Variants in GZF1 observed in about 807,000 individuals in gnomAD.
The protein encoded by GZF1 is GDNF-inducible zinc finger protein 1.
A neutral mutation model predicts 49.4 loss-of-function variants in GZF1; 28 were observed. The ratio of observed to expected loss-of-function variants is 0.57; its 90% CI spans 0.42 to 0.78. GZF1 has a LOEUF of 0.78. Ranked by LOEUF, GZF1 falls within the 30% of genes least tolerant of loss-of-function variation. The pLI is 0.00. For missense variants in GZF1, 798 were observed against 916.2 expected, an observed-to-expected ratio of 0.87 and a Z score of 1.67; for synonymous variants, 364 against 356.0, an observed-to-expected ratio of 1.02 and a Z score of -0.25.
chr20:23,361,680 G>C (rs1055270140), upstream of GZF1, among the ~76,000 whole-genome samples: 2 of 152,204 alleles, frequency 1.3e-5, no homozygotes, highest in Non-Finnish European at 2.9e-5. Flanking sequence ...CCAGCTCCAA[G>C]CCCGGCTTTC....
At position 23,367,720 on chromosome 20, in the gene GZF1, G is replaced by A. The variant is rs140197943; in HGVS notation, c.1459+623G>A. The stretch of plus-strand genomic sequence containing the variant: ...AAGGTAGTAGGATTATCTCATTTCT[G>A]TTTTCCAAAGTCTTTATGATTTATT... On this transcript the variant is annotated intron_variant, in intron 3 of 5. Coordinates refer to ENST00000338121, the MANE Select transcript of GZF1 (RefSeq NM_022482.5). 5.2e-3 allele frequency among the ~76,000 whole-genome samples: 789 copies of A among 152,250 alleles called. 6 individuals are homozygous for A. The highest frequency in any genetic ancestry group is 6.8e-3 in the Non-Finnish European group (463 of 67,998).
Position 23,368,845 on chromosome 20 carries a change from G to A in GZF1, c.1543G>A (p.Gly515Arg), listed in dbSNP as rs759517965. 3 of 1,613,976 alleles carry A rather than the reference G, an allele frequency of 1.9e-6. No homozygotes were observed. The Admixed American group carries it at 5.0e-5, about 27-fold the overall frequency. Residue 515 changes from glycine (G) to arginine (R), a missense_variant, in exon 4 of 6, where the codon GGA (glycine) becomes AGA (arginine). Around this residue, in one of 3 missense-constraint regions of GZF1, gnomAD observed 446 missense variants for 540.1 expected, o/e 0.83. Transcript: ENST00000338121. ...YLKHHNRIHT[G>R]SKPFKCEVCF... ...AAAACACCACAATAGAATCCATACT[G>A]GATCCAAACCCTTTAAATGTGAAGT...
Position 23,370,252 on chromosome 20 carries a change from C to T in GZF1, c.1947C>T (p.Asn649=). ...TTGCAGAAAATGGCCATTTCCACAA[C>T]CTGGCTGCAGTCCAAGACACTGTAC... ...LSFAENGHFH[N]LAAVQDTVPT... The change falls in exon 6 of 6, where the codon AAC becomes AAT. Residue 649 remains asparagine, a synonymous_variant. Coordinates refer to ENST00000338121, the MANE Select transcript of GZF1 (RefSeq NM_022482.5). 6.2e-7 allele frequency: 1 copy of T among 1,614,224 alleles called. No individual in the cohort carries two copies. Among genetic ancestry groups the T allele is most frequent in the Non-Finnish European group, 8.5e-7 (1 of 1,180,048 alleles).
rs2123100965 is a variant in GZF1 at position 23,372,598 on chromosome 20, CAG to C, written c.*2161_*2162del. The C allele has an allele frequency of 6.6e-6, 1 of 152,304 alleles. No homozygotes were observed. Among genetic ancestry groups the C allele is most frequent in the South Asian group, 2.1e-4 (1 of 4,826 alleles). The allele number at this position is 152,304 out of a possible 1,614,324, so 9.4% of individuals were successfully genotyped here. Reference sequence around the variant, plus strand: ...ATATACATTTCTCTGTCCCTGAGAACAGAGAAACGTAACCCTGTAGGGGACTG... The same window carrying C: ...ATATACATTTCTCTGTCCCTGAGAACAGAAACGTAACCCTGTAGGGGACTG... On this transcript the variant is annotated 3_prime_UTR_variant, in exon 6 of 6. Coordinates refer to ENST00000338121, the MANE Select transcript of GZF1 (RefSeq NM_022482.5).
chr20:23,365,855 C>G (rs6083091), intron 2 of GZF1, 108 bp downstream of exon 2: 1 of 1,406,152 alleles, frequency 7.1e-7, no homozygotes, highest in Non-Finnish European at 9.3e-7. Flanking sequence ...CCGCTCCAAA[C>G]CTGGGGGCTT....
rs200941812 is a variant in GZF1 at position 23,369,689 on chromosome 20, A to G, written c.1733A>G (p.Asn578Ser). 6.8e-6 allele frequency: 11 copies of G among 1,614,132 alleles called. No individual in the cohort carries two copies. Among genetic ancestry groups the G allele is most frequent in the South Asian group, 1.1e-5 (1 of 91,082 alleles). Residue 578 changes from asparagine to serine, a missense_variant, in exon 5 of 6, where the codon AAT becomes AGT. Physicochemically the swap from Asn to Ser is conservative, Grantham distance 46. Coordinates refer to ENST00000338121, the MANE Select transcript of GZF1 (RefSeq NM_022482.5). Reference protein sequence around the residue: ...IHTGERPFMCNACGRTFTDKS... With the variant: ...IHTGERPFMCSACGRTFTDKS... ...ACAGGGGAGAGGCCATTCATGTGCA[A>G]TGCGTGCGGACGGACATTCACCGAC...
rs1981713598 is a variant in GZF1 at position 23,368,818 on chromosome 20, T to G, written c.1516T>G (p.Leu506Val). The change falls in exon 4 of 6, where the codon TTA (leucine) becomes GTA (valine). Residue 506 changes from leucine (L) to valine (V), a missense_variant. By Grantham distance (32) the Leu-to-Val change is conservative. This residue lies in a region of GZF1 where 446 missense variants were observed against 540.1 expected (regional missense o/e 0.83). Transcript: ENST00000338121. ...CAAGAGTTTTGCTTCTAAGGAGTAC[T>G]TAAAACACCACAATAGAATCCATAC... ...CGKSFASKEY[L>V]KHHNRIHTGS... 27 of 1,613,814 alleles carry G rather than the reference T, an allele frequency of 1.7e-5. No individual in the cohort carries two copies. The highest frequency in any genetic ancestry group is 2.3e-5 in the Non-Finnish European group (27 of 1,179,872).
rs1981847172 is a variant in GZF1, at chr20:23,369,730, C to T, written c.1774C>T (p.Arg592Trp). The change falls in exon 5 of 6, where the codon CGG (arginine) becomes TGG (tryptophan). Residue 592 changes from arginine (R) to tryptophan (W), a missense_variant. Coordinates refer to ENST00000338121, the MANE Select transcript of GZF1 (RefSeq NM_022482.5). ...ATTCACCGACAAGTCCACTCTTCGG[C>T]GGCACACCTCAGTAAGCAGTGGGTT... ...RTFTDKSTLR[R>W]HTSIHDKNTP... 6.2e-7 allele frequency: 1 copy of T among 1,610,492 alleles called. No individual in the cohort carries two copies. The highest frequency in any genetic ancestry group is 8.5e-7 in the Non-Finnish European group (1 of 1,177,998).
At chr20:23,361,787 G>A (rs1024420480), upstream of GZF1, among the ~76,000 whole-genome samples, 10 of 152,218 alleles carry the variant, frequency 6.6e-5, no homozygotes, top group South Asian at 4.1e-4. Flanking sequence ...GGCCCTGACC[G>A]CAGGCTGCTG....
Position 23,371,220 on chromosome 20 carries a change from G to GT in GZF1, c.*780dup, listed in dbSNP as rs1329712624. ...CCAAAGAGTCTAGCAAAACAATATA[G>GT]TATTTTTTTGCAGAGGCATGAAAAA... On this transcript the variant is annotated 3_prime_UTR_variant, in exon 6 of 6. Transcript: ENST00000338121. The GT allele has an allele frequency of 6.6e-6, 1 of 152,568 alleles. No individual in the cohort carries two copies. The highest frequency in any genetic ancestry group is 2.4e-5 in the African/African-American group (1 of 41,428). The allele number at this position is 152,568 out of a possible 1,614,324, so 9.5% of individuals were successfully genotyped here.
Position 23,369,664 on chromosome 20 carries a change from A to T in GZF1, c.1708A>T (p.Thr570Ser), listed in dbSNP as rs1347245800. The change falls in exon 5 of 6, where the codon ACA becomes TCA. Residue 570 changes from threonine to serine, a missense_variant. By Grantham distance (58) the Thr-to-Ser change is moderately conservative. Around this residue, in one of 3 missense-constraint regions of GZF1, gnomAD observed 446 missense variants for 540.1 expected, o/e 0.83. Transcript: ENST00000338121. ...CCTCCAGCGCCACCGCCGCATCCAC[A>T]CAGGGGAGAGGCCATTCATGTGCAA... ...NALQRHRRIH[T>S]GERPFMCNAC... is the part of the protein sequence containing the mutation. The T allele has an allele frequency of 6.2e-7, 1 of 1,614,138 alleles. No individual in the cohort carries two copies. The highest frequency in any genetic ancestry group is 1.7e-5 in the Admixed American group (1 of 60,020).
Position 23,364,546 on chromosome 20 carries a change from G to A in GZF1, c.163G>A (p.Ala55Thr). Residue 55 changes from alanine to threonine, a missense_variant, in exon 2 of 6, where the codon GCC becomes ACC. Physicochemically the swap from Ala to Thr is moderately conservative, Grantham distance 58 (BLOSUM62 0). This residue lies in a region of GZF1 where 105 missense variants were observed against 147.5 expected (regional missense o/e 0.71). Coordinates refer to ENST00000338121, the MANE Select transcript of GZF1 (RefSeq NM_022482.5). ...DFMAHKAVLA[A>T]TSKFFKEVFL... ...CATGGCCCACAAGGCAGTGCTGGCT[G>A]CCACCAGCAAGTTTTTTAAGGAAGT... 5 of 1,614,236 alleles carry A rather than the reference G, an allele frequency of 3.1e-6. No individual in the cohort carries two copies. Among genetic ancestry groups the A allele is most frequent in the Non-Finnish European group, 4.2e-6 (5 of 1,180,040 alleles).
intron 1 of GZF1, 64 bp downstream of exon 1, chr20:23,362,301 C>T (rs1217010366): frequency 2.0e-5 from 3 of 152,270 alleles, no homozygotes; most frequent in Non-Finnish European, 4.4e-5. Flanking sequence ...TCTTTGTCCG[C>T]GCGCCCCGGC....
At position 23,365,098 on chromosome 20, in the gene GZF1, A is replaced by G. The variant is rs1449579199; in HGVS notation, c.715A>G (p.Lys239Glu). Residue 239 changes from lysine to glutamate, a missense_variant, in exon 2 of 6, where the codon AAA (lysine) becomes GAA (glutamate). Lys to Glu is a moderately conservative substitution (Grantham distance 56, BLOSUM62 1). This residue lies in a region of GZF1 where 247 missense variants were observed against 228.5 expected (regional missense o/e 1.08). Transcript: ENST00000338121. Reference sequence around the variant, plus strand: ...GGTCTTTGTGGAGATCCCTAAAAAGAAATATACGAGAAGACTCCGAGAGCA... The same window carrying G: ...GGTCTTTGTGGAGATCCCTAAAAAGGAATATACGAGAAGACTCCGAGAGCA... ...RKVFVEIPKK[K>E]YTRRLREQQK... 1.9e-6 allele frequency: 3 copies of G among 1,613,914 alleles called. No homozygotes were observed. Among genetic ancestry groups the G allele is most frequent in the African/African-American group, 1.3e-5 (1 of 74,944 alleles).
At position 23,371,823 on chromosome 20, in the gene GZF1, G is replaced by A. The variant is rs1387764835; in HGVS notation, c.*1382G>A. ...TGAAAACACTTTGATTTTCTAAGAGGAAGGTACTTTAAGTTCCAGAATGAA... is the reference window on the plus strand; with the variant it reads ...TGAAAACACTTTGATTTTCTAAGAGAAAGGTACTTTAAGTTCCAGAATGAA... On this transcript the variant is annotated 3_prime_UTR_variant, in exon 6 of 6. Transcript: ENST00000338121. 6.6e-6 allele frequency: 1 copy of A among 152,124 alleles called. No homozygotes were observed. Among genetic ancestry groups the A allele is most frequent in the Non-Finnish European group, 1.5e-5 (1 of 68,026 alleles). 9.4% of individuals were successfully genotyped at this position (152,124 alleles called of 1,614,324 possible).
In GZF1 at chr20:23,365,421, G is replaced by A. The variant is rs1374835752; in HGVS notation, c.1038G>A (p.Val346=). ...ACCGCCACGGCGTGGCCACCGAGGT[G>A]GTGTACCGCTGCGACACCTGCGGCC... ...SKHRHGVATE[V]VYRCDTCGQT... is the part of the protein sequence containing the mutation. The change falls in exon 2 of 6, where the codon GTG becomes GTA. Residue 346 remains valine, a synonymous_variant. Transcript: ENST00000338121. 7.4e-6 allele frequency: 12 copies of A among 1,613,678 alleles called. No homozygotes were observed. Among genetic ancestry groups the A allele is most frequent in the Non-Finnish European group, 1.0e-5 (12 of 1,180,058 alleles).
chr20:23,369,472 T>A (rs1470514246), intron 4 of GZF1, 112 bp from the exon 5 acceptor site: 23 of 933,604 alleles, frequency 2.5e-5, no homozygotes, highest in Non-Finnish European at 3.5e-5. Flanking sequence ...TTATGTTGGA[T>A]GCTGAGGCTT....
Position 23,372,522 on chromosome 20 carries a change from C to G in GZF1, c.*2081C>G, listed in dbSNP as rs1982173473. ...CGGGCTGGAAGTGCGGTTGAGCTCTCTGCCACTTTCTTCAATGTAAAAAGT... is the reference window on the plus strand; with the variant it reads ...CGGGCTGGAAGTGCGGTTGAGCTCTGTGCCACTTTCTTCAATGTAAAAAGT... On this transcript the variant is annotated 3_prime_UTR_variant, in exon 6 of 6. Coordinates refer to ENST00000338121, the MANE Select transcript of GZF1 (RefSeq NM_022482.5). 6.6e-6 allele frequency: 1 copy of G among 152,202 alleles called. No individual in the cohort carries two copies. Among genetic ancestry groups the G allele is most frequent in the South Asian group, 2.1e-4 (1 of 4,834 alleles). The allele number at this position is 152,202 out of a possible 1,614,324, so 9.4% of individuals were successfully genotyped here. A position where few individuals can be genotyped will look rare whatever the true frequency, so the allele number is the denominator to read the frequency against.
intron 5 of GZF1, 96 bp from the exon 6 acceptor site, chr20:23,369,995 A>G: frequency 1.8e-6 from 2 of 1,108,312 alleles, no homozygotes; most frequent in South Asian, 1.3e-5. Flanking sequence ...TTATTAGTGA[A>G]AGTTGAAAAT....
Sources: gnomAD v4.1 joint callset for allele counts (sites outside exome capture counted in the v4.1 genomes callset) on GRCh38, gnomAD v4.1.1 for gene constraint, gnomAD v4.1.1 regional missense constraint, MANE v1.5 for transcripts, NCBI Gene and HGNC (gene_info 2026-07-23, HGNC 2026-07-21) for gene names.